Variants in SWAP70 observed in about 807,000 individuals in gnomAD.
The protein encoded by SWAP70 is switch-associated protein 70.
Under a neutral mutation model 80.2 loss-of-function variants are expected in SWAP70, and 34 were observed. The ratio of observed to expected loss-of-function variants is 0.42; its 90% confidence interval spans 0.32 to 0.56. The LOEUF (loss-of-function observed/expected upper bound fraction) is 0.56. Ranked by LOEUF, SWAP70 falls within the 20% of genes least tolerant of loss-of-function variation. The probability of loss-of-function intolerance (pLI) is 0.09; values close to 1 mark genes in which losing one functional copy is unlikely to be tolerated. For missense variants in SWAP70, 578 were observed against 690.7 expected (o/e 0.84, Z 1.83); for synonymous variants, 239 against 238.5 (o/e 1.00, Z -0.02).
At position 9,687,704 on chromosome 11, in the gene SWAP70, T is replaced by G. The variant is rs561082625; in HGVS notation, c.100-6442T>G. Among the ~76,000 whole-genome samples, 17 of 152,298 alleles carry G rather than the reference T, an allele frequency of 1.1e-4. No homozygotes were observed. The South Asian group carries it at 3.5e-3, about 32-fold the overall frequency. ...CCAACAGATGACTTTGAGTTACTTTTCCTTAATCTGTCTGTAAGTGTTCTG... is the reference window on the plus strand; with the variant it reads ...CCAACAGATGACTTTGAGTTACTTTGCCTTAATCTGTCTGTAAGTGTTCTG... On this transcript the variant is annotated intron_variant, in intron 1 of 11. Transcript: ENST00000318950.
At chr11:9,711,152 C>G (rs775973514) in intron 2 of SWAP70, among the ~76,000 whole-genome samples, 2 of 151,928 alleles carry the variant, frequency 1.3e-5, no homozygotes, top group African/African-American at 2.4e-5. Context: ...AAACTTCTAG[C>G]CTTAAGCAGT....
At chr11:9,715,709 G>A (rs1590034553) in intron 3 of SWAP70, among the ~76,000 whole-genome samples, 1 of 152,092 alleles carries the variant, frequency 6.6e-6, no homozygotes, top group African/African-American at 2.4e-5. Context: ...AGACTTATTC[G>A]CTATTACGAG....
chr11:9,752,336 A>G lies in SWAP70; in HGVS notation c.*2366A>G, dbSNP rs1179691259. On this transcript the variant is annotated 3_prime_UTR_variant, in exon 12 of 12. Transcript: ENST00000318950. ...ACCTCACACTGCCTGGCCCCTGGCCATCCACCTAAGGACTGCCTGCTTTCT... is the reference window on the plus strand; with the variant it reads ...ACCTCACACTGCCTGGCCCCTGGCCGTCCACCTAAGGACTGCCTGCTTTCT... 1.3e-5 allele frequency: 2 copies of G among 152,308 alleles called. No homozygotes were observed. Among genetic ancestry groups the G allele is most frequent in the African/African-American group, 4.8e-5 (2 of 41,478 alleles). The allele number at this position is 152,308 out of a possible 1,614,324, so 9.4% of individuals were successfully genotyped here.
chr11:9,732,785 T>G, intron 7 of SWAP70, 75 bp downstream of exon 7: 1 of 1,377,622 alleles, frequency 7.3e-7, no homozygotes, highest in Non-Finnish European at 9.7e-7. Flanking sequence ...TTAGGGGTGT[T>G]GGTTCTACCA....
At chr11:9,725,293 A>G (rs891275569) in intron 4 of SWAP70, among the ~76,000 whole-genome samples, 2 of 151,754 alleles carry the variant, frequency 1.3e-5, no homozygotes, top group Non-Finnish European at 2.9e-5. Context: ...TTGAATAGGA[A>G]TAAAATTTCT....
In SWAP70 at chr11:9,705,183, C is replaced by A. The variant is rs78040595; in HGVS notation, c.241-8283C>A. ...TGGTGATATGTATATACTTGGTGAT[C>A]TGTATACACTGGTGATCTGTATACA... On this transcript the variant is annotated intron_variant, in intron 2 of 11. Coordinates refer to ENST00000318950, the MANE Select transcript of SWAP70 (RefSeq NM_015055.4). 1.8e-5 allele frequency among the ~76,000 whole-genome samples: 2 copies of A among 110,376 alleles called. 1 individual carries two copies. The highest frequency in any genetic ancestry group is 7.1e-5 in the African/African-American group (2 of 28,126). 72.4% of individuals were successfully genotyped at this position (110,376 alleles called of 152,430 possible).
intron 1 of SWAP70, 98 bp from the exon 2 acceptor site, chr11:9,694,048 T>C: frequency 7.2e-7 from 1 of 1,394,356 alleles, no homozygotes; most frequent in East Asian, 2.6e-5. Flanking sequence ...TTTTCCATCT[T>C]TCTCTACCCA....
At chr11:9,732,437 T>A (rs1478415813) in intron 6 of SWAP70, 92 bp from the exon 7 acceptor site, 9 of 1,293,568 alleles carry the variant, frequency 7.0e-6, no homozygotes, top group African/African-American at 4.5e-5. Context: ...GCTCCCTGTC[T>A]CATTTTCTTC....
chr11:9,717,025 A>G (rs1851074985), intron 3 of SWAP70, among the ~76,000 whole-genome samples: 1 of 152,212 alleles, frequency 6.6e-6, no homozygotes, highest in Non-Finnish European at 1.5e-5. Flanking sequence ...CTGGCATTAG[A>G]TGCTATGGAA....
At chr11:9,705,502 C>T (rs1267048956) in intron 2 of SWAP70, among the ~76,000 whole-genome samples, 1 of 132,998 alleles carries the variant, frequency 7.5e-6, no homozygotes. Context: ...GATCTGTATA[C>T]ACTGGTGATC....
intron 2 of SWAP70, among the ~76,000 whole-genome samples, chr11:9,697,601 C>T (rs1427292239): frequency 1.3e-5 from 2 of 152,072 alleles, no homozygotes; most frequent in African/African-American, 4.8e-5. Context: ...TTTTAGAAAC[C>T]ACGAGAAATA....
intron 1 of SWAP70, among the ~76,000 whole-genome samples, chr11:9,671,875 A>G (rs1180935318): frequency 9.8e-6 from 1 of 102,154 alleles, no homozygotes; most frequent in African/African-American, 4.5e-5. Context: ...TTTATAATTT[A>G]AATATAATTT....
chr11:9,698,105 T>TG (rs1377855722), intron 2 of SWAP70, among the ~76,000 whole-genome samples: 2 of 146,976 alleles, frequency 1.4e-5, no homozygotes, highest in East Asian at 3.9e-4. Flanking sequence ...TTTTTGTTTT[T>TG]TTTTTTTTTT....
At chr11:9,743,964 A>ACTT (rs1554893854) in intron 9 of SWAP70, among the ~76,000 whole-genome samples, 1 of 146,638 alleles carries the variant, frequency 6.8e-6, no homozygotes, top group African/African-American at 2.5e-5. Flanking sequence ...AGATCTTGTA[A>ACTT]TTTTTTTTTT....
Position 9,672,105 on chromosome 11 carries a change from TATA to T in SWAP70, c.99+7831_99+7833del, listed in dbSNP as rs1362072369. On this transcript the variant is annotated intron_variant, in intron 1 of 11. Transcript: ENST00000318950. ...AATAATAATTTAAATATAATTATAATATAATATAATTTAAATGTAATTTAAATA... is the reference window on the plus strand; with the variant it reads ...AATAATAATTTAAATATAATTATAATATATAATTTAAATGTAATTTAAATA... 2.2e-4 allele frequency among the ~76,000 whole-genome samples: 28 copies of T among 129,276 alleles called. No individual in the cohort carries two copies. The South Asian group carries it at 6.2e-3, about 29-fold the overall frequency. 84.8% of individuals were successfully genotyped at this position (129,276 alleles called of 152,430 possible). A position where few individuals can be genotyped will look rare whatever the true frequency, so the allele number is the denominator to read the frequency against.
chr11:9,668,112 C>T (rs918806610), intron 1 of SWAP70, among the ~76,000 whole-genome samples: 8 of 152,258 alleles, frequency 5.3e-5, no homozygotes, highest in Admixed American at 3.9e-4. Context: ...TCATCTCAAA[C>T]TCCTGACCTC....
At chr11:9,710,996 T>TTTTTTTTATTTA (rs1554986189) in intron 2 of SWAP70, among the ~76,000 whole-genome samples, 1 of 148,904 alleles carries the variant, frequency 6.7e-6, no homozygotes, top group Non-Finnish European at 1.5e-5. Flanking sequence ...TGTTTTTTAT[T>TTTTTTTTATTTA]TTTATTTATT....
intron 4 of SWAP70, among the ~76,000 whole-genome samples, chr11:9,725,555 ATATATATATATATATT>A (rs1590039931): frequency 7.1e-4 from 8 of 11,206 alleles, no homozygotes; most frequent in Middle Eastern, 0.029. Context: ...ATATATATAT[ATATATATATATATATT>A]TTTTTTTTTT....
chr11:9,696,109 T>G (rs554720003), intron 2 of SWAP70, among the ~76,000 whole-genome samples: 1 of 152,326 alleles, frequency 6.6e-6, no homozygotes, highest in African/African-American at 2.4e-5. Flanking sequence ...CCAACTCTTA[T>G]CCCAGACTTT....
Sources: gnomAD v4.1 joint callset for allele counts (sites outside exome capture counted in the v4.1 genomes callset) on GRCh38, gnomAD v4.1.1 for gene constraint, MANE v1.5 for transcripts, NCBI Gene and HGNC (gene_info 2026-07-23, HGNC 2026-07-21) for gene names.